The following ADGRL2 variants were observed in gnomAD, a reference collection of about 807,000 sequenced individuals.
ADGRL2 encodes the protein adhesion G protein-coupled receptor L2.
ADGRL2 carries 44 observed loss-of-function variants against 157.4 expected under a neutral mutation model. The observed-to-expected ratio is 0.28, with a 90% CI of 0.22 to 0.36. ADGRL2 has a LOEUF of 0.36. Among genes scored for constraint, ADGRL2 ranks in the 10% least tolerant of loss-of-function variants. ADGRL2 has a pLI of 1.00. For synonymous variants in ADGRL2, 585 were observed against 624.7 expected, an observed-to-expected ratio of 0.94 and a Z score of 0.95; for missense variants, 1,510 against 1,768.9, an observed-to-expected ratio of 0.85 and a Z score of 2.63.
chr1:81,427,545 C>G (rs2077241116), intron 1 of ADGRL2: 2 of 747,042 alleles, frequency 2.7e-6, no homozygotes, highest in South Asian at 2.7e-5. Flanking sequence ...GTGGAAGAAG[C>G]TCATCCCTAT....
In ADGRL2 at chr1:81,858,739, T is replaced by G. The variant is rs546322703; in HGVS notation, c.73+21682T>G. On this transcript the variant is annotated intron_variant, in intron 2 of 23. Transcript: ENST00000686636. ...AAAATGATAGCAAGTATAAAGGTCC[T>G]GAAAAAAAATCATTTGCAAAATGTA... 1.2e-4 allele frequency among the ~76,000 whole-genome samples: 18 copies of G among 152,146 alleles called. No individual in the cohort carries two copies. The South Asian group carries it at 3.7e-3, about 32-fold the overall frequency.
At chr1:81,809,083 C>G (rs933166780) in intron 1 of ADGRL2, among the ~76,000 whole-genome samples, 1 of 151,936 alleles carries the variant, frequency 6.6e-6, no homozygotes, top group Non-Finnish European at 1.5e-5. Flanking sequence ...GACAAGAAAA[C>G]GTATGCTGAG....
intron 2 of ADGRL2, among the ~76,000 whole-genome samples, chr1:81,863,213 T>C (rs2093439121): frequency 6.6e-6 from 1 of 152,132 alleles, no homozygotes; most frequent in East Asian, 1.9e-4. Flanking sequence ...TTGGTTGCCT[T>C]CTCACTTTGG....
rs549603451 is a variant in ADGRL2 at position 81,925,517 on chromosome 1, C to T, written c.288-11211C>T. 7.4e-5 allele frequency among the ~76,000 whole-genome samples: 11 copies of T among 148,838 alleles called. No homozygotes were observed. The East Asian group carries it at 7.9e-4, about 11-fold the overall frequency. ...TGAAAGTTGGGAAAGATCCATAATT[C>T]GTTTTGTGTAATGAATAGCAGTGTT... On this transcript the variant is annotated intron_variant, in intron 3 of 23. Transcript: ENST00000686636.
chr1:81,609,487 C>A (rs1031680488), intron 3 of ADGRL2, among the ~76,000 whole-genome samples: 1 of 152,178 alleles, frequency 6.6e-6, no homozygotes, highest in African/African-American at 2.4e-5. Flanking sequence ...CTCCCACAAC[C>A]TTGTTTTTGA....
chr1:81,525,573 C>T (rs1432565489), intron 2 of ADGRL2, among the ~76,000 whole-genome samples: 2 of 152,192 alleles, frequency 1.3e-5, no homozygotes, highest in African/African-American at 4.8e-5. Flanking sequence ...CCCTTTCAGC[C>T]TCTCAAAGAG....
At chr1:81,529,575 A>T (rs1012431583) in intron 2 of ADGRL2, among the ~76,000 whole-genome samples, 6 of 152,246 alleles carry the variant, frequency 3.9e-5, no homozygotes. Flanking sequence ...TAAGTCAATA[A>T]CATGAACATC....
intron 2 of ADGRL2, among the ~76,000 whole-genome samples, chr1:81,544,854 G>A (rs2079974221): frequency 2.6e-5 from 4 of 152,130 alleles, no homozygotes; most frequent in Admixed American, 2.6e-4. Context: ...TGACCTGAAG[G>A]TCAGCAGAAC....
chr1:81,722,753 C>A, intron 1 of ADGRL2: 2 of 839,558 alleles, frequency 2.4e-6, no homozygotes, highest in Non-Finnish European at 4.0e-6. Context: ...GTTAAGAAGG[C>A]TCAAGAAGAG....
chr1:81,337,436 C>T (rs1247069592), intron 1 of ADGRL2, among the ~76,000 whole-genome samples: 3 of 152,154 alleles, frequency 2.0e-5, no homozygotes, highest in Admixed American at 6.5e-5. Flanking sequence ...CGCTCACCTT[C>T]GTGCTCCCTG....
rs11411906 is a variant in ADGRL2, at chr1:81,791,066, C to CAAAA, written c.-101+29237_-101+29240dup. ...TGGGTGATGCAGCAAGACCCTATCTCAAAAAAAAAAAAAAAAAAAAAAAAA... is the reference window on the plus strand; with the variant it reads ...TGGGTGATGCAGCAAGACCCTATCTCAAAAAAAAAAAAAAAAAAAAAAAAAAAAA... On this transcript the variant is annotated intron_variant, in intron 2 of 20. Transcript: ENST00000359929. Among the ~76,000 whole-genome samples the CAAAA allele has an allele frequency of 1.6e-3, 59 of 37,468 alleles. 3 individuals carry two copies. Among genetic ancestry groups the CAAAA allele is most frequent in the South Asian group, 3.3e-3 (2 of 600 alleles). The allele number at this position is 37,468 out of a possible 152,430, so 24.6% of individuals were successfully genotyped here. A position where few individuals can be genotyped will look rare whatever the true frequency, so the allele number is the denominator to read the frequency against.
rs181504336 is a variant in ADGRL2 at position 81,637,139 on chromosome 1, G to A, written c.-143+56159G>A. Among the ~76,000 whole-genome samples, 380 of 152,178 alleles carry A rather than the reference G, an allele frequency of 2.5e-3. 4 individuals are homozygous for A. The highest frequency in any genetic ancestry group is 8.9e-3 in the African/African-American group (370 of 41,518). ...GATTACAGGCATGAACCACTGCACC[G>A]GGCTTGTTGTTTTTCAAGTTGGGAA... On this transcript the variant is annotated intron_variant, in intron 3 of 24. Transcript: ENST00000370721.
At chr1:81,523,296 TAAAC>T (rs1311745436) in intron 2 of ADGRL2, among the ~76,000 whole-genome samples, 1 of 151,720 alleles carries the variant, frequency 6.6e-6, no homozygotes, top group Non-Finnish European at 1.5e-5. Flanking sequence ...TATGAAAAAA[TAAAC>T]AATCAAATAG....
intron 1 of ADGRL2, chr1:81,426,735 G>A (rs2077224107): frequency 2.1e-6 from 1 of 469,442 alleles, no homozygotes; most frequent in Admixed American, 2.3e-5. Flanking sequence ...GCAACAACAT[G>A]TGCTCAACCA....
At chr1:81,980,748 T>C (rs749921915) in intron 18 of ADGRL2, 3 of 634,412 alleles carry the variant, frequency 4.7e-6, no homozygotes, top group Non-Finnish European at 3.0e-6. Context: ...CTTTAGCATC[T>C]CTCTCTTTTC....
intron 1 of ADGRL2, among the ~76,000 whole-genome samples, chr1:81,816,254 A>C (rs1020213524): frequency 5.3e-5 from 8 of 151,948 alleles, no homozygotes; most frequent in Non-Finnish European, 5.9e-5. Flanking sequence ...TATTCAAGTC[A>C]GTTTTTCCTA....
chr1:81,944,882 G>A (rs1212176256), intron 6 of ADGRL2, among the ~76,000 whole-genome samples: 1 of 151,760 alleles, frequency 6.6e-6, no homozygotes, highest in Non-Finnish European at 1.5e-5. Flanking sequence ...ATTGTCATAC[G>A]GTCAGGACCT....
rs112592901 is a variant in ADGRL2 at position 81,323,887 on chromosome 1, A to G, written c.-302+17378A>G. ...TAAAATTGAGGACAAAGAAGAGGAC[A>G]GAAAAGAGGAGCATCGCAAAGAATC... On this transcript the variant is annotated intron_variant, in intron 1 of 24. Coordinates refer to the ADGRL2 transcript ENST00000370721. 2.6e-3 allele frequency among the ~76,000 whole-genome samples: 394 copies of G among 152,292 alleles called. 2 individuals carry two copies. Among genetic ancestry groups the G allele is most frequent in the African/African-American group, 8.6e-3 (356 of 41,570 alleles).
intron 1 of ADGRL2, among the ~76,000 whole-genome samples, chr1:81,831,269 A>G (rs891148903): frequency 2.0e-5 from 3 of 152,218 alleles, no homozygotes; most frequent in Non-Finnish European, 4.4e-5. Context: ...GTAATTAGTT[A>G]TATAATTTAG....
Sources: allele counts gnomAD v4.1 joint callset (sites outside exome capture counted in the v4.1 genomes callset), GRCh38; gene constraint gnomAD v4.1.1; transcripts MANE v1.5; gene names NCBI Gene and HGNC (gene_info 2026-07-23, HGNC 2026-07-21).